The following PRKDC variants were observed in gnomAD, a reference collection of about 807,000 sequenced individuals.
The protein encoded by PRKDC is DNA-dependent protein kinase catalytic subunit.
In PRKDC, 82 loss-of-function variants were observed where a neutral mutation model predicts 486.9. That is an observed-to-expected ratio of 0.17 (90% confidence interval 0.14 to 0.20). PRKDC has a LOEUF of 0.20. Among genes scored for constraint, PRKDC ranks in the 10% least tolerant of loss-of-function variants. The pLI, the probability that PRKDC is intolerant of heterozygous loss-of-function variation, is 1.00. For missense variants in PRKDC, 4,504 were observed against 5,038.2 expected, an observed-to-expected ratio of 0.89 and a Z score of 3.21; for synonymous variants, 1,895 against 1,837.0, an observed-to-expected ratio of 1.03 and a Z score of -0.81.
rs1482468853 is a variant in PRKDC, at chr8:47,803,367, C to T, written c.9861G>A (p.Arg3287=). The T allele has an allele frequency of 1.2e-6, 2 of 1,613,910 alleles. No homozygotes were observed. Among genetic ancestry groups the T allele is most frequent in the Non-Finnish European group, 1.7e-6 (2 of 1,179,902 alleles). ...VQSYCRLSHC[R]SRSQGCSEQV... is the part of the protein sequence containing the mutation. ...GCTCAGAGCAGCCCTGGGACCGGCT[C>T]CGGCAGTGGCTCAGGCGGCAGTAGC... The change falls in exon 70 of 86, where the codon CGG becomes CGA. Residue 3287 remains arginine, a synonymous_variant. Coordinates refer to ENST00000314191, the MANE Select transcript of PRKDC (RefSeq NM_006904.7).
intron 80 of PRKDC, among the ~76,000 whole-genome samples, chr8:47,780,366 T>G (rs1037403745): frequency 6.6e-6 from 1 of 152,246 alleles, no homozygotes; most frequent in Non-Finnish European, 1.5e-5. Flanking sequence ...GATGTTTAAG[T>G]GAACTTGAAA....
chr8:47,929,295 A>G, intron 18 of PRKDC, 117 bp from the exon 19 acceptor site: 3 of 720,580 alleles, frequency 4.2e-6, no homozygotes, highest in Admixed American at 2.5e-5. Context: ...ACCAACATCT[A>G]ATGAAGACAG....
At chr8:47,942,331 G>A (rs2090458241) in intron 10 of PRKDC, among the ~76,000 whole-genome samples, 1 of 152,194 alleles carries the variant, frequency 6.6e-6, no homozygotes, top group South Asian at 2.1e-4. Flanking sequence ...AGTCTGACGG[G>A]AAGGCCAAGT....
At chr8:47,900,301 A>T in intron 28 of PRKDC, 72 bp downstream of exon 28, 1 of 1,087,804 alleles carries the variant, frequency 9.2e-7, no homozygotes, top group Non-Finnish European at 1.2e-6. Flanking sequence ...AGAGAATCAC[A>T]CGAGCCTTAA....
intron 54 of PRKDC, among the ~76,000 whole-genome samples, chr8:47,846,076 A>C (rs900083781): frequency 1.3e-5 from 2 of 152,248 alleles, no homozygotes; most frequent in African/African-American, 4.8e-5. Context: ...TAAAAACAAA[A>C]GCCATATGAT....
intron 39 of PRKDC, among the ~76,000 whole-genome samples, 189 bp from the exon 40 acceptor site, chr8:47,878,040 T>C (rs2154501326): frequency 6.6e-6 from 1 of 151,778 alleles, no homozygotes; most frequent in African/African-American, 2.4e-5. Flanking sequence ...TATTGTTGAG[T>C]GGCTGGTATA....
chr8:47,824,558 G>T (rs963632455), intron 63 of PRKDC, among the ~76,000 whole-genome samples: 1 of 150,776 alleles, frequency 6.6e-6, no homozygotes, highest in African/African-American at 2.4e-5. Context: ...AGGTTCTCCA[G>T]TATTAATCCA....
chr8:47,900,054 C>A (rs946849054), intron 28 of PRKDC, among the ~76,000 whole-genome samples: 1 of 152,224 alleles, frequency 6.6e-6, no homozygotes, highest in South Asian at 2.1e-4. Context: ...CATATCTGCA[C>A]AGTTTCATGT....
At chr8:47,924,848 C>A (rs537422449) in intron 21 of PRKDC, among the ~76,000 whole-genome samples, 1 of 152,306 alleles carries the variant, frequency 6.6e-6, no homozygotes, top group South Asian at 2.1e-4. Context: ...CCACAGTGTC[C>A]ATTCCAGTTT....
intron 23 of PRKDC, among the ~76,000 whole-genome samples, chr8:47,914,913 C>T (rs1235877999): frequency 6.6e-6 from 1 of 152,120 alleles, no homozygotes; most frequent in Non-Finnish European, 1.5e-5. Flanking sequence ...CCTCAGCCTC[C>T]CAAAGTGCTG....
At chr8:47,881,168 A>G (rs536939765) in intron 38 of PRKDC, among the ~76,000 whole-genome samples, 2 of 152,272 alleles carry the variant, frequency 1.3e-5, no homozygotes, top group South Asian at 4.1e-4. Flanking sequence ...TACAGGTCAG[A>G]TAACACACCC....
intron 74 of PRKDC, among the ~76,000 whole-genome samples, chr8:47,792,480 G>C (rs1294736330): frequency 5.9e-5 from 9 of 152,038 alleles, no homozygotes; most frequent in Non-Finnish European, 1.2e-4. Context: ...GGATGGTCTC[G>C]ATCTCCTGAC....
intron 59 of PRKDC, among the ~76,000 whole-genome samples, chr8:47,832,374 A>G (rs2087905158): frequency 6.6e-6 from 1 of 152,240 alleles, no homozygotes; most frequent in Non-Finnish European, 1.5e-5. Context: ...CACCAGCCTT[A>G]ACCTCCAAAT....
At chr8:47,928,394 C>T (rs1423544850) in intron 19 of PRKDC, among the ~76,000 whole-genome samples, 1 of 152,000 alleles carries the variant, frequency 6.6e-6, no homozygotes, top group Admixed American at 6.5e-5. Flanking sequence ...CTCAAGTGAT[C>T]CACCCACCTT....
chr8:47,806,406 T>A (rs113669105), intron 69 of PRKDC, among the ~76,000 whole-genome samples: 1 of 152,208 alleles, frequency 6.6e-6, no homozygotes, highest in Non-Finnish European at 1.5e-5. Context: ...CTGCCTCTAA[T>A]TGGATTTTCT....
At position 47,888,641 on chromosome 8, in the gene PRKDC, C is replaced by T; in HGVS notation, c.4290G>A (p.Glu1430=). 1 of 1,584,628 alleles carries T rather than the reference C, an allele frequency of 6.3e-7. No individual in the cohort carries two copies. Among genetic ancestry groups the T allele is most frequent in the South Asian group, 1.2e-5 (1 of 85,318 alleles). Residue 1430 remains glutamate, a synonymous_variant, in exon 34 of 86, where the codon GAG becomes GAA. Transcript: ENST00000314191. ...REKITAQSIE[E]LCAVNLYGPD... is the part of the protein sequence containing the mutation. ...GGCCATACAAGTTGACGGCACAAAG[C>T]TCCTCAATGCTGGCCATGTGACAAA...
At chr8:47,809,573 G>A (rs1453642965) in intron 68 of PRKDC, among the ~76,000 whole-genome samples, 2 of 152,096 alleles carry the variant, frequency 1.3e-5, no homozygotes, top group East Asian at 3.9e-4. Flanking sequence ...CAGACAGAGG[G>A]AACAAATTAA....
intron 80 of PRKDC, 37 bp from the exon 81 acceptor site, chr8:47,779,130 A>AT (rs779286194): frequency 6.9e-7 from 1 of 1,440,574 alleles, no homozygotes; most frequent in Non-Finnish European, 9.5e-7. Context: ...AATTAGGAAG[A>AT]TTTTAGCATT....
intron 38 of PRKDC, 33 bp from the exon 39 acceptor site, chr8:47,879,691 G>T: frequency 6.7e-7 from 1 of 1,482,882 alleles, no homozygotes. Flanking sequence ...GAAACTGCAC[G>T]AATTATGGCT....
Sources: gnomAD v4.1 joint callset for allele counts (sites outside exome capture counted in the v4.1 genomes callset) on GRCh38, gnomAD v4.1.1 for gene constraint, MANE v1.5 for transcripts, NCBI Gene and HGNC (gene_info 2026-07-23, HGNC 2026-07-21) for gene names.